The following DCAF1 variants were observed in gnomAD, a reference collection of about 807,000 sequenced individuals.
DCAF1 encodes DDB1- and CUL4-associated factor 1.
In DCAF1, 15 loss-of-function variants were observed where a neutral mutation model predicts 128.0. The ratio of observed to expected loss-of-function variants is 0.12; its 90% CI spans 0.08 to 0.18. The LOEUF (loss-of-function observed/expected upper bound fraction) is 0.18, where lower values mean the gene tolerates loss of function less well. Ranked by LOEUF, DCAF1 falls within the 10% of genes least tolerant of loss-of-function variation. The pLI, the probability that DCAF1 is intolerant of heterozygous loss-of-function variation, is 1.00. For missense variants in DCAF1, 988 were observed against 1,649.5 expected (o/e 0.60, Z 6.95); for synonymous variants, 610 against 603.0 (o/e 1.01, Z -0.17).
intron 3 of DCAF1, among the ~76,000 whole-genome samples, chr3:51,479,583 T>C (rs1553652024): frequency 6.6e-6 from 1 of 151,436 alleles, no homozygotes; most frequent in Non-Finnish European, 1.5e-5. Context: ...GGGCAGGAGA[T>C]CGAGACCATC....
At chr3:51,471,090 T>G (rs1304294525) in intron 3 of DCAF1, 85 bp from the exon 4 acceptor site, 4 of 842,444 alleles carry the variant, frequency 4.7e-6, no homozygotes, top group Non-Finnish European at 7.5e-6. Flanking sequence ...ACGGTCAAGG[T>G]AGAAAATAAA....
At chr3:51,418,926 G>A in intron 15 of DCAF1, 50 bp from the exon 16 acceptor site, 1 of 1,520,030 alleles carries the variant, frequency 6.6e-7, no homozygotes, top group Non-Finnish European at 8.8e-7. Flanking sequence ...CAGGGACTCA[G>A]AAAAAGCAAA....
At chr3:51,476,884 C>T (rs1553650745) in intron 3 of DCAF1, among the ~76,000 whole-genome samples, 1 of 151,740 alleles carries the variant, frequency 6.6e-6, no homozygotes, top group East Asian at 1.9e-4. Flanking sequence ...AAAAAAAAGA[C>T]CAGCCTGGCC....
chr3:51,475,689 G>A (rs534820758), intron 3 of DCAF1, among the ~76,000 whole-genome samples: 2 of 152,262 alleles, frequency 1.3e-5, no homozygotes, highest in African/African-American at 2.4e-5. Context: ...GCGAAAGCCC[G>A]TCTCTACTAA....
intron 24 of DCAF1, among the ~76,000 whole-genome samples, chr3:51,401,001 G>A (rs1282374779): frequency 2.0e-5 from 3 of 151,858 alleles, no homozygotes; most frequent in Admixed American, 6.6e-5. Context: ...GGGTGGTGGC[G>A]GGCGCCTGTA....
intron 10 of DCAF1, among the ~76,000 whole-genome samples, chr3:51,432,650 G>C (rs1304866217): frequency 6.6e-6 from 1 of 151,986 alleles, no homozygotes; most frequent in Admixed American, 6.6e-5. Context: ...GTAGAGACGG[G>C]GTTACACCAT....
At chr3:51,414,570 C>T in intron 19 of DCAF1, 54 bp downstream of exon 19, 1 of 1,590,500 alleles carries the variant, frequency 6.3e-7, no homozygotes, top group Non-Finnish European at 8.6e-7. Context: ...CAAATTATTT[C>T]TGCACCACAA....
intron 9 of DCAF1, chr3:51,440,056 A>G (rs1365554744): frequency 4.9e-6 from 2 of 405,956 alleles, no homozygotes; most frequent in Non-Finnish European, 9.6e-6. Context: ...GTAGGGCATA[A>G]GCAAGCACTA....
chr3:51,477,479 C>G (rs1326929450), intron 3 of DCAF1, among the ~76,000 whole-genome samples: 1 of 148,400 alleles, frequency 6.7e-6, no homozygotes, highest in African/African-American at 2.5e-5. Flanking sequence ...AAAAAAAATA[C>G]AAAAATTAGT....
intron 2 of DCAF1, among the ~76,000 whole-genome samples, chr3:51,491,040 G>GAAAAAA (rs56102341): frequency 7.8e-6 from 1 of 128,280 alleles, no homozygotes; most frequent in Non-Finnish European, 1.7e-5. Context: ...AACAATCTTG[G>GAAAAAA]AAAAAAAAAA....
At chr3:51,476,608 T>C (rs1705483784) in intron 3 of DCAF1, among the ~76,000 whole-genome samples, 2 of 140,766 alleles carry the variant, frequency 1.4e-5, no homozygotes, top group Non-Finnish European at 3.0e-5. Flanking sequence ...CCAGGCGTAG[T>C]GGCTCACGCC....
In DCAF1 at chr3:51,441,831, T is replaced by C; in HGVS notation, c.580A>G (p.Lys194Glu). 6.2e-7 allele frequency: 1 copy of C among 1,613,488 alleles called. No homozygotes were observed. Among genetic ancestry groups the C allele is most frequent in the Non-Finnish European group, 8.5e-7 (1 of 1,179,858 alleles). The change falls in exon 8 of 25, where the codon AAG (lysine) becomes GAG (glutamate). Residue 194 changes from lysine to glutamate, a missense_variant. Transcript: ENST00000684031. ...LQEVALRQEN[K>E]RPSPRKLSSE... ...GAGAGCTTCCGTGGACTGGGACGCT[T>C]GTTTTCCTGCCGCAAAGCCACTTCC... is the stretch of plus-strand genomic sequence containing the variant.
intron 2 of DCAF1, among the ~76,000 whole-genome samples, chr3:51,494,074 G>T (rs1553659539): frequency 6.6e-6 from 1 of 151,692 alleles, no homozygotes; most frequent in Non-Finnish European, 1.5e-5. Context: ...TTGAGGAAAG[G>T]GGAAAATGGG....
chr3:51,483,895 A>C, intron 2 of DCAF1, 59 bp from the exon 3 acceptor site: 1 of 1,180,672 alleles, frequency 8.5e-7, no homozygotes, highest in Non-Finnish European at 1.3e-6. Flanking sequence ...AAGCAAATAA[A>C]AGTGAAGAAG....
intron 3 of DCAF1, among the ~76,000 whole-genome samples, chr3:51,477,770 A>G (rs782277905): frequency 2.0e-5 from 3 of 152,182 alleles, no homozygotes; most frequent in South Asian, 2.1e-4. Context: ...TGAAGTTCAG[A>G]TAAGTGCCTC....
At chr3:51,480,476 G>A (rs1373734446) in intron 3 of DCAF1, among the ~76,000 whole-genome samples, 3 of 151,590 alleles carry the variant, frequency 2.0e-5, no homozygotes, top group Non-Finnish European at 2.9e-5. Context: ...GTGGGCGCCT[G>A]TAATCCCAGC....
intron 24 of DCAF1, among the ~76,000 whole-genome samples, chr3:51,400,833 C>T (rs1385780300): frequency 6.6e-6 from 1 of 151,896 alleles, no homozygotes; most frequent in Non-Finnish European, 1.5e-5. Context: ...AGCAGAGACA[C>T]ATAAAGATCT....
intron 2 of DCAF1, among the ~76,000 whole-genome samples, chr3:51,496,028 A>C (rs1553660704): frequency 6.6e-6 from 1 of 151,972 alleles, no homozygotes; most frequent in Non-Finnish European, 1.5e-5. Context: ...ACAGTGGCTC[A>C]CACCTGTAAT....
intron 2 of DCAF1, among the ~76,000 whole-genome samples, chr3:51,484,871 C>T (rs1267886982): frequency 1.3e-5 from 2 of 148,652 alleles, no homozygotes; most frequent in East Asian, 2.0e-4. Context: ...TTAGTAGAGA[C>T]GCAGTTTCAC....
Sources: gnomAD v4.1 joint callset for allele counts (sites outside exome capture counted in the v4.1 genomes callset) on GRCh38, gnomAD v4.1.1 for gene constraint, MANE v1.5 for transcripts, NCBI Gene and HGNC (gene_info 2026-07-23, HGNC 2026-07-21) for gene names.